UNC5C: variants seen among roughly 807,000 people sequenced by gnomAD.
The protein encoded by UNC5C is netrin receptor UNC5C.
A neutral mutation model predicts 99.8 loss-of-function variants in UNC5C; 47 were observed. The observed-to-expected ratio is 0.47, with a 90% CI of 0.37 to 0.60. UNC5C has a LOEUF of 0.60. UNC5C is among the 20% of genes least tolerant of loss of function. The probability of loss-of-function intolerance (pLI) is 0.00; values close to 1 mark genes in which losing one functional copy is unlikely to be tolerated. For synonymous variants in UNC5C, 487 were observed against 452.2 expected (o/e 1.08, Z -0.98); for missense variants, 1,062 against 1,165.9 (o/e 0.91, Z 1.30).
intron 1 of UNC5C, among the ~76,000 whole-genome samples, chr4:95,475,518 G>A (rs1446281785): frequency 6.6e-6 from 1 of 151,598 alleles, no homozygotes; most frequent in Non-Finnish European, 1.5e-5. Flanking sequence ...TGACAGTCAG[G>A]AGAGAAAGAC....
intron 1 of UNC5C, among the ~76,000 whole-genome samples, chr4:95,483,538 A>G (rs1173202380): frequency 6.6e-6 from 1 of 151,928 alleles, no homozygotes; most frequent in South Asian, 2.1e-4. Flanking sequence ...AAAATCAAAT[A>G]CAATCCCATC....
In UNC5C at chr4:95,229,391, C is replaced by T. The variant is rs1166536204; in HGVS notation, c.1109-9215G>A. The stretch of plus-strand genomic sequence containing the variant: ...ACATGCAGTGTTTGGTTTTCTGTTC[C>T]TGAGTTAGTTTGCTGAGAATGATGG... On this transcript the variant is annotated intron_variant, in intron 7 of 15. Transcript: ENST00000453304. Among the ~76,000 whole-genome samples the T allele has an allele frequency of 2.6e-5, 4 of 152,146 alleles. No homozygotes were observed. In the East Asian group the frequency reaches 7.8e-4, roughly 29 times the overall value.
At chr4:95,303,752 GAATT>G (rs1179610840) in intron 2 of UNC5C, among the ~76,000 whole-genome samples, 7 of 152,104 alleles carry the variant, frequency 4.6e-5, no homozygotes, top group African/African-American at 1.7e-4. Context: ...GATCAGATGA[GAATT>G]AAATATATAC....
At chr4:95,249,076 A>G (rs1376094645) in intron 5 of UNC5C, among the ~76,000 whole-genome samples, 1 of 152,120 alleles carries the variant, frequency 6.6e-6, no homozygotes, top group Non-Finnish European at 1.5e-5. Context: ...CCATTTTGTT[A>G]CAGTTTCCTA....
intron 7 of UNC5C, among the ~76,000 whole-genome samples, chr4:95,239,207 G>A (rs1470450509): frequency 6.6e-6 from 1 of 152,166 alleles, no homozygotes; most frequent in East Asian, 1.9e-4. Context: ...TGCTCTGCTG[G>A]TGTCCTAGAA....
intron 1 of UNC5C, among the ~76,000 whole-genome samples, chr4:95,458,846 T>C (rs935565465): frequency 1.3e-5 from 2 of 152,232 alleles, no homozygotes; most frequent in Admixed American, 1.3e-4. Context: ...AACTTCATAG[T>C]AATCCCATAT....
intron 7 of UNC5C, among the ~76,000 whole-genome samples, chr4:95,229,797 C>CT (rs71583694): frequency 0.052 from 4,132 of 79,506 alleles, 856 homozygotes; most frequent in African/African-American, 0.075. Flanking sequence ...CTGTTGTTTC[C>CT]TTTTTTTTTT....
chr4:95,377,958 T>C (rs929782982), intron 1 of UNC5C, among the ~76,000 whole-genome samples: 1 of 152,230 alleles, frequency 6.6e-6, no homozygotes, highest in African/African-American at 2.4e-5. Context: ...GTAGAGCTCA[T>C]GTGAATGGGC....
At chr4:95,221,648 T>A (rs1286332285) in intron 7 of UNC5C, among the ~76,000 whole-genome samples, 1 of 152,230 alleles carries the variant, frequency 6.6e-6, no homozygotes, top group Non-Finnish European at 1.5e-5. Flanking sequence ...TCCAGAATAT[T>A]CACTTTCCCA....
chr4:95,296,343 C>A (rs1248976009), intron 3 of UNC5C, among the ~76,000 whole-genome samples: 4 of 151,948 alleles, frequency 2.6e-5, no homozygotes, highest in African/African-American at 9.7e-5. Context: ...TGAAAAGGTA[C>A]CTTGGATAAA....
At chr4:95,454,179 A>G (rs1007776241) in intron 1 of UNC5C, among the ~76,000 whole-genome samples, 3 of 152,112 alleles carry the variant, frequency 2.0e-5, no homozygotes, top group African/African-American at 7.2e-5. Context: ...CTCAATTAAA[A>G]GAACAACTGA....
chr4:95,245,630 C>T lies in UNC5C; in HGVS notation c.776-486G>A, dbSNP rs1184126937. On this transcript the variant is annotated intron_variant, in intron 5 of 15. Transcript: ENST00000453304. ...TTTTAAGGATTTTTATTCACTTGCA[C>T]AAACCAGTGAACCTGGTTAAAAAAT... Among the ~76,000 whole-genome samples the T allele has an allele frequency of 2.6e-5, 4 of 152,182 alleles. No individual in the cohort carries two copies. The East Asian group carries it at 5.8e-4, about 22-fold the overall frequency.
chr4:95,386,047 C>G (rs973057360), intron 1 of UNC5C, among the ~76,000 whole-genome samples: 4 of 152,100 alleles, frequency 2.6e-5, no homozygotes, highest in African/African-American at 9.7e-5. Flanking sequence ...ACTGCTGGTA[C>G]CCATTTGGAA....
At chr4:95,188,110 A>G (rs1189500069) in intron 12 of UNC5C, among the ~76,000 whole-genome samples, 2 of 152,198 alleles carry the variant, frequency 1.3e-5, no homozygotes, top group Non-Finnish European at 2.9e-5. Context: ...GCTAAGTACT[A>G]ATACTGTATT....
At chr4:95,292,023 C>A (rs1428180779) in intron 3 of UNC5C, among the ~76,000 whole-genome samples, 1 of 151,820 alleles carries the variant, frequency 6.6e-6, no homozygotes, top group Non-Finnish European at 1.5e-5. Context: ...CTTCATCTTT[C>A]AGGATGCTTG....
intron 3 of UNC5C, among the ~76,000 whole-genome samples, chr4:95,285,679 G>T (rs1014454672): frequency 6.6e-6 from 1 of 152,104 alleles, no homozygotes; most frequent in African/African-American, 2.4e-5. Flanking sequence ...CCTTGAGAGG[G>T]TTACAACATC....
intron 3 of UNC5C, among the ~76,000 whole-genome samples, chr4:95,297,793 A>G (rs1286753793): frequency 6.6e-6 from 1 of 152,196 alleles, no homozygotes; most frequent in Non-Finnish European, 1.5e-5. Flanking sequence ...ACTTTTAAAT[A>G]TATCTGAAAT....
At chr4:95,225,460 T>C (rs1553955167) in intron 7 of UNC5C, among the ~76,000 whole-genome samples, 1 of 152,178 alleles carries the variant, frequency 6.6e-6, no homozygotes, top group Non-Finnish European at 1.5e-5. Flanking sequence ...GATTGTCAAA[T>C]GGAGCAAGGT....
chr4:95,366,506 T>C (rs930766068), intron 1 of UNC5C, among the ~76,000 whole-genome samples: 1 of 152,194 alleles, frequency 6.6e-6, no homozygotes, highest in Non-Finnish European at 1.5e-5. Context: ...TGGATGGCTC[T>C]ATGTTTTGAG....
Sources: gnomAD v4.1 joint callset for allele counts (sites outside exome capture counted in the v4.1 genomes callset) on GRCh38, gnomAD v4.1.1 for gene constraint, MANE v1.5 for transcripts, NCBI Gene and HGNC (gene_info 2026-07-23, HGNC 2026-07-21) for gene names.